NTRK2: variants seen among roughly 807,000 people sequenced by gnomAD.
NTRK2 encodes BDNF/NT-3 growth factors receptor.
A neutral mutation model predicts 94.5 loss-of-function variants in NTRK2; 13 were observed. That is an observed-to-expected ratio of 0.14 (90% CI 0.09 to 0.22). The LOEUF (loss-of-function observed/expected upper bound fraction) is 0.22. NTRK2 is among the 10% of genes least tolerant of loss of function. The pLI is 1.00. For synonymous variants in NTRK2, 372 were observed against 407.4 expected, an observed-to-expected ratio of 0.91 and a Z score of 1.05; for missense variants, 639 against 1,071.2, an observed-to-expected ratio of 0.60 and a Z score of 5.63.
At position 84,925,678 on chromosome 9, in the gene NTRK2, G is replaced by A. The variant is rs189723236; in HGVS notation, c.1634-8484G>A. On this transcript the variant is annotated intron_variant, in intron 14 of 18. Coordinates refer to ENST00000277120, the MANE Select transcript of NTRK2 (RefSeq NM_006180.6). ...AGCTGCGGACTTTTGACAGGCAAAA[G>A]GCCGGAGAGGAAAGATGGATGAGGG... is the stretch of plus-strand genomic sequence containing the variant. Among the ~76,000 whole-genome samples, 8 of 152,156 alleles carry A rather than the reference G, an allele frequency of 5.3e-5. 1 individual carries two copies. In the East Asian group the frequency reaches 1.5e-3, roughly 29 times the overall value.
chr9:84,834,011 G>A (rs1162150800), intron 12 of NTRK2, among the ~76,000 whole-genome samples: 1 of 152,138 alleles, frequency 6.6e-6, no homozygotes, highest in East Asian at 1.9e-4. Flanking sequence ...TTCCACTTGG[G>A]TAGCTCACTA....
intron 12 of NTRK2, chr9:84,815,522 T>G: frequency 9.8e-7 from 1 of 1,016,012 alleles, no homozygotes; most frequent in Non-Finnish European, 1.2e-6. Context: ...TGCCCTGTTT[T>G]TTTTTTTTTT....
chr9:84,942,922 C>A (rs1436748120), intron 15 of NTRK2, among the ~76,000 whole-genome samples: 1 of 152,114 alleles, frequency 6.6e-6, no homozygotes, highest in East Asian at 1.9e-4. Flanking sequence ...ACAGATCTTG[C>A]CACAGTGATC....
intron 9 of NTRK2, among the ~76,000 whole-genome samples, chr9:84,732,704 G>A (rs1362709577): frequency 6.6e-6 from 1 of 152,070 alleles, no homozygotes; most frequent in African/African-American, 2.4e-5. Context: ...AAGTTTCAGT[G>A]TCCCTGCTGC....
chr9:84,926,169 C>CCTTTCTTT lies in NTRK2; in HGVS notation c.1634-7936_1634-7929dup, dbSNP rs869183621. On this transcript the variant is annotated intron_variant, in intron 14 of 18. Coordinates refer to ENST00000277120, the MANE Select transcript of NTRK2 (RefSeq NM_006180.6). Reference sequence around the variant, plus strand: ...TCCTTCCTTCCTTCCTTCCTTCCTTCCTTTCTTTCTTTCTTTCTTTCTTTC... The same window carrying CCTTTCTTT: ...TCCTTCCTTCCTTCCTTCCTTCCTTCCTTTCTTTCTTTCTTTCTTTCTTTCTTTCTTTC... Among the ~76,000 whole-genome samples the CCTTTCTTT allele has an allele frequency of 6.5e-3, 250 of 38,550 alleles. 11 individuals are homozygous for CCTTTCTTT. Among genetic ancestry groups the CCTTTCTTT allele is most frequent in the East Asian group, 0.014 (16 of 1,162 alleles). 25.3% of individuals were successfully genotyped at this position (38,550 alleles called of 152,430 possible).
At chr9:84,977,107 AC>A (rs958859707) in intron 17 of NTRK2, among the ~76,000 whole-genome samples, 2 of 152,100 alleles carry the variant, frequency 1.3e-5, no homozygotes, top group African/African-American at 4.8e-5. Context: ...GCTCCTGTAA[AC>A]CCTGGTCACA....
intron 12 of NTRK2, among the ~76,000 whole-genome samples, chr9:84,782,432 C>A (rs969685223): frequency 2.0e-5 from 3 of 152,222 alleles, no homozygotes; most frequent in African/African-American, 7.2e-5. Flanking sequence ...TTCTGCGGCT[C>A]TCCCCTCTGC....
chr9:84,785,343 C>T (rs1482824741), intron 12 of NTRK2, among the ~76,000 whole-genome samples: 8 of 152,142 alleles, frequency 5.3e-5, no homozygotes, highest in Non-Finnish European at 4.4e-5. Context: ...ATTTTGATCA[C>T]CCATGATAGT....
chr9:84,963,268 C>T (rs1825168484), intron 17 of NTRK2, among the ~76,000 whole-genome samples: 1 of 152,168 alleles, frequency 6.6e-6, no homozygotes, highest in South Asian at 2.1e-4. Flanking sequence ...TGAGCTCACT[C>T]GCCAGAGATC....
intron 12 of NTRK2, among the ~76,000 whole-genome samples, chr9:84,858,118 T>C (rs888138427): frequency 1.3e-5 from 2 of 152,116 alleles, no homozygotes; most frequent in Admixed American, 6.6e-5. Context: ...CTACTGTCCC[T>C]AAATATGCCT....
At position 84,952,314 on chromosome 9, in the gene NTRK2, T is replaced by C. The variant is rs527838473; in HGVS notation, c.1938-2969T>C. ...AGACCAGAAGGAAAGTGGTGTGCTA[T>C]AGAATCCTGGAGCCAGAGCAGTTGG... On this transcript the variant is annotated intron_variant, in intron 16 of 18. Coordinates refer to ENST00000277120, the MANE Select transcript of NTRK2 (RefSeq NM_006180.6). Among the ~76,000 whole-genome samples the C allele has an allele frequency of 3.2e-4, 48 of 152,332 alleles. No homozygotes were observed. In the South Asian group the frequency reaches 7.2e-3, roughly 23 times the overall value.
At chr9:84,691,809 C>A (rs1281410012) in intron 2 of NTRK2, among the ~76,000 whole-genome samples, 1 of 152,004 alleles carries the variant, frequency 6.6e-6, no homozygotes, top group East Asian at 1.9e-4. Flanking sequence ...GCAGGTGTGA[C>A]CAGACGGCCT....
At chr9:84,675,066 T>C (rs1490540557) in intron 2 of NTRK2, among the ~76,000 whole-genome samples, 1 of 152,156 alleles carries the variant, frequency 6.6e-6, no homozygotes, top group Non-Finnish European at 1.5e-5. Context: ...GTGTGGAGTT[T>C]AGGTCTGTTT....
intron 11 of NTRK2, among the ~76,000 whole-genome samples, chr9:84,747,457 G>A (rs552088810): frequency 6.8e-6 from 1 of 146,212 alleles, no homozygotes; most frequent in East Asian, 2.0e-4. Flanking sequence ...ATTATATGTT[G>A]ACTTTAGTTT....
Position 84,751,977 on chromosome 9 carries a change from T to C in NTRK2, c.1297-9T>C. 1 of 1,612,992 alleles carries C rather than the reference T, an allele frequency of 6.2e-7. No individual in the cohort carries two copies. The highest frequency in any genetic ancestry group is 8.5e-7 in the Non-Finnish European group (1 of 1,178,996). On this transcript the variant is annotated splice_polypyrimidine_tract_variant and intron_variant, in intron 11 of 18. Transcript: ENST00000277120. ...CAAGGTTATAACCACCCTCCCTTCC[T>C]TTCTCTAGGTCTATGCTGTGGTGGT...
chr9:84,939,902 C>T (rs951645043), intron 15 of NTRK2, among the ~76,000 whole-genome samples: 3 of 152,140 alleles, frequency 2.0e-5, no homozygotes, highest in African/African-American at 7.2e-5. Context: ...GTTATTTCCA[C>T]ATTTTGCTAA....
intron 12 of NTRK2, among the ~76,000 whole-genome samples, chr9:84,838,198 C>G (rs11140781): frequency 6.6e-6 from 1 of 151,754 alleles, no homozygotes; most frequent in Admixed American, 6.6e-5. Context: ...AATAGGAAAA[C>G]AACAACAGCA....
chr9:84,734,701 T>G (rs1229206983), intron 9 of NTRK2, among the ~76,000 whole-genome samples: 5 of 152,232 alleles, frequency 3.3e-5, no homozygotes, highest in African/African-American at 1.2e-4. Context: ...TCTTGCCTGC[T>G]GCCATGTAAG....
chr9:84,920,926 T>G (rs575774000), intron 14 of NTRK2, among the ~76,000 whole-genome samples: 1 of 152,354 alleles, frequency 6.6e-6, no homozygotes, highest in East Asian at 1.9e-4. Context: ...TTGAGTGAAT[T>G]TTTCCAATAT....
Sources: allele counts gnomAD v4.1 joint callset (sites outside exome capture counted in the v4.1 genomes callset), GRCh38; gene constraint gnomAD v4.1.1; transcripts MANE v1.5; gene names NCBI Gene and HGNC (gene_info 2026-07-23, HGNC 2026-07-21).